PCYT1B: variants seen among roughly 807,000 people sequenced by gnomAD.
PCYT1B encodes choline-phosphate cytidylyltransferase B.
PCYT1B carries 10 observed loss-of-function variants against 26.4 expected under a neutral mutation model. The observed-to-expected ratio is 0.38, with a 90% CI of 0.23 to 0.64. PCYT1B has a LOEUF of 0.64. Among genes scored for constraint, PCYT1B ranks in the 30% least tolerant of loss-of-function variants. PCYT1B has a pLI of 0.56. For missense variants in PCYT1B, 161 were observed against 292.7 expected (o/e 0.55, Z 3.28); for synonymous variants, 131 against 108.4 (o/e 1.21, Z -1.29).
intron 1 of PCYT1B, among the ~76,000 whole-genome samples, chrX:24,625,622 T>C (rs1426270291): frequency 1.9e-5 from 2 of 107,560 alleles, no homozygotes; most frequent in Non-Finnish European, 3.8e-5. Flanking sequence ...ACAGGCACCA[T>C]TGAAAACAGC....
chrX:24,573,317 C>T (rs1394352932), intron 7 of PCYT1B, among the ~76,000 whole-genome samples: 1 of 110,719 alleles, frequency 9.0e-6, no homozygotes, highest in Non-Finnish European at 1.9e-5. Flanking sequence ...ATACGCGCCA[C>T]CACACCTGGC....
rs888085835 is a variant in PCYT1B, at chrX:24,573,121, T to C, written c.897+2009A>G. On this transcript the variant is annotated intron_variant, in intron 7 of 7. Transcript: ENST00000379144. ...ATACACACACATATATACCCACACA[T>C]ATACACACACATACACACACACACA... 5.2e-3 allele frequency among the ~76,000 whole-genome samples: 367 copies of C among 70,017 alleles called. 4 individuals carry two copies. The highest frequency in any genetic ancestry group is 0.019 in the African/African-American group (342 of 18,114). 60.8% of individuals were successfully genotyped at this position (70,017 alleles called of 115,157 possible). A position where few individuals can be genotyped will look rare whatever the true frequency, so the allele number is the denominator to read the frequency against.
At chrX:24,596,987 C>G (rs1307961078) in intron 3 of PCYT1B, among the ~76,000 whole-genome samples, 1 of 111,766 alleles carries the variant, frequency 8.9e-6, no homozygotes, top group African/African-American at 3.3e-5. Context: ...GAAGACCTCC[C>G]TAACTTTCCT....
chrX:24,605,294 T>C (rs140266747), intron 3 of PCYT1B, among the ~76,000 whole-genome samples: 127 of 111,485 alleles, frequency 1.1e-3, no homozygotes, highest in Middle Eastern at 4.6e-3. Context: ...CACTGTTGTC[T>C]TGACTGGTGA....
chrX:24,572,882 C>G (rs2148222799), intron 7 of PCYT1B, among the ~76,000 whole-genome samples: 1 of 105,122 alleles, frequency 9.5e-6, no homozygotes, highest in South Asian at 4.3e-4. Flanking sequence ...TCACTGGGAG[C>G]CTGAAATGAC....
At chrX:24,593,445 CTTTTCT>C (rs1372977675) in intron 3 of PCYT1B, among the ~76,000 whole-genome samples, 1 of 15,654 alleles carries the variant, frequency 6.4e-5, no homozygotes, top group African/African-American at 8.9e-5. Context: ...TTCTTTCTTT[CTTTTCT>C]TTTCTTTTCT....
intron 2 of PCYT1B, among the ~76,000 whole-genome samples, chrX:24,610,459 T>C (rs969664320): frequency 8.9e-6 from 1 of 111,956 alleles, no homozygotes; most frequent in Middle Eastern, 4.6e-3. Flanking sequence ...AATAACAAAC[T>C]GTCTAATGAG....
intron 1 of PCYT1B, among the ~76,000 whole-genome samples, chrX:24,656,129 CA>C (rs34397973): frequency 0.012 from 74 of 5,929 alleles, no homozygotes; most frequent in African/African-American, 0.052. Flanking sequence ...AACTCCATCT[CA>C]AAAAAAAAAA....
intron 3 of PCYT1B, among the ~76,000 whole-genome samples, chrX:24,596,458 G>A (rs1031713595): frequency 2.7e-5 from 3 of 109,706 alleles, no homozygotes; most frequent in Admixed American, 2.0e-4. Flanking sequence ...CAGGTGTGGT[G>A]GTGCATGCTT....
At chrX:24,629,586 A>C (rs903133466) in intron 1 of PCYT1B, among the ~76,000 whole-genome samples, 4 of 99,470 alleles carry the variant, frequency 4.0e-5, no homozygotes, top group African/African-American at 7.4e-5. Context: ...AAAAAAAAAA[A>C]AAAACAACAC....
intron 5 of PCYT1B, among the ~76,000 whole-genome samples, chrX:24,585,676 T>C (rs1202003192): frequency 1.8e-5 from 2 of 111,072 alleles, no homozygotes; most frequent in Non-Finnish European, 3.8e-5. Flanking sequence ...CAGGCCAGAG[T>C]GCTCCAGAAA....
At chrX:24,656,551 CTTTTTTTTTTTTTT>C in intron 1 of PCYT1B, among the ~76,000 whole-genome samples, 1 of 56,637 alleles carries the variant, frequency 1.8e-5, no homozygotes, top group Non-Finnish European at 3.0e-5. Flanking sequence ...TCTTTTTTTC[CTTTTTTTTTTTTTT>C]TTTTTTTTTG....
chrX:24,628,082 T>C (rs1229226602), intron 1 of PCYT1B, among the ~76,000 whole-genome samples: 5 of 111,659 alleles, frequency 4.5e-5, no homozygotes, highest in African/African-American at 1.3e-4. Flanking sequence ...AGTCTGGTGT[T>C]TGGGAGAAAG....
intron 3 of PCYT1B, among the ~76,000 whole-genome samples, chrX:24,595,573 G>C (rs1460728740): frequency 9.0e-6 from 1 of 111,258 alleles, no homozygotes; most frequent in Non-Finnish European, 1.9e-5. Flanking sequence ...GGGAGGTAAA[G>C]AGAGCCCAGT....
intron 1 of PCYT1B, among the ~76,000 whole-genome samples, chrX:24,661,745 G>T (rs764784931): frequency 8.9e-6 from 1 of 112,345 alleles, no homozygotes; most frequent in Admixed American, 9.5e-5. Flanking sequence ...ATTGCAATAT[G>T]TACACTGTAT....
At chrX:24,598,377 A>G (rs1377182907) in intron 3 of PCYT1B, among the ~76,000 whole-genome samples, 1 of 110,864 alleles carries the variant, frequency 9.0e-6, no homozygotes, top group African/African-American at 3.3e-5. Flanking sequence ...CTATCTTTAA[A>G]TACATAGGAA....
chrX:24,603,709 C>A (rs1209144679), intron 3 of PCYT1B, among the ~76,000 whole-genome samples: 7 of 108,791 alleles, frequency 6.4e-5, no homozygotes, highest in African/African-American at 2.0e-4. Flanking sequence ...GGAGACAGAG[C>A]AAGACCCTAT....
chrX:24,603,767 A>T (rs1925038616), intron 3 of PCYT1B, among the ~76,000 whole-genome samples: 1 of 111,770 alleles, frequency 8.9e-6, no homozygotes, highest in Non-Finnish European at 1.9e-5. Flanking sequence ...AAATAAAATT[A>T]TTTGAGTCTA....
intron 1 of PCYT1B, among the ~76,000 whole-genome samples, chrX:24,619,777 G>T: frequency 8.9e-6 from 1 of 112,602 alleles, no homozygotes; most frequent in East Asian, 2.8e-4. Context: ...AGCGACTAGC[G>T]GCTAGAGGCC....
Sources: allele counts gnomAD v4.1 joint callset (sites outside exome capture counted in the v4.1 genomes callset), GRCh38; gene constraint gnomAD v4.1.1; transcripts MANE v1.5; gene names NCBI Gene and HGNC (gene_info 2026-07-23, HGNC 2026-07-21).